Variants in RANBP17 observed in about 807,000 individuals in gnomAD.
RANBP17 encodes the protein ran-binding protein 17.
RANBP17 carries 158 observed loss-of-function variants against 141.2 expected under a neutral mutation model. That is an observed-to-expected ratio of 1.12 (90% CI 0.98 to 1.28). The LOEUF (loss-of-function observed/expected upper bound fraction) is 1.28, where lower values mean the gene tolerates loss of function less well. Among genes scored for constraint, RANBP17 ranks in the 50% most tolerant of loss-of-function variants. RANBP17 has a pLI of 0.00. For missense variants in RANBP17, 1,438 were observed against 1,290.7 expected (o/e 1.11, Z -1.75); for synonymous variants, 430 against 450.0 (o/e 0.96, Z 0.56).
chr5:171,140,892 A>G (rs1396135021), intron 14 of RANBP17, among the ~76,000 whole-genome samples: 2 of 152,230 alleles, frequency 1.3e-5, no homozygotes, highest in African/African-American at 4.8e-5. Context: ...TTCCAAGTCC[A>G]GAATATTCCA....
intron 14 of RANBP17, among the ~76,000 whole-genome samples, chr5:171,150,184 C>T (rs1057044550): frequency 1.3e-5 from 2 of 149,416 alleles, no homozygotes; most frequent in African/African-American, 5.1e-5. Context: ...ATCTATACCA[C>T]TCTTTAAAAA....
intron 2 of RANBP17, among the ~76,000 whole-genome samples, chr5:170,879,330 G>A (rs1213162442): frequency 1.3e-5 from 2 of 152,080 alleles, no homozygotes; most frequent in Non-Finnish European, 2.9e-5. Flanking sequence ...ACTTCCAATT[G>A]AAGATTAAGT....
chr5:171,276,932 A>C (rs1276081550), intron 25 of RANBP17, among the ~76,000 whole-genome samples: 1 of 150,982 alleles, frequency 6.6e-6, no homozygotes, highest in Non-Finnish European at 1.5e-5. Context: ...AAAAAAAAAA[A>C]AAAAAAAAAA....
chr5:171,163,465 C>G (rs1422195298), intron 14 of RANBP17, among the ~76,000 whole-genome samples: 5 of 152,184 alleles, frequency 3.3e-5, no homozygotes, highest in African/African-American at 1.2e-4. Flanking sequence ...CCTCCCTCCT[C>G]TACTAATGCC....
At chr5:170,996,026 A>G (rs960596773) in intron 14 of RANBP17, among the ~76,000 whole-genome samples, 1 of 152,082 alleles carries the variant, frequency 6.6e-6, no homozygotes, top group South Asian at 2.1e-4. Flanking sequence ...ACATAGGAGA[A>G]ATTGTCTCTT....
At chr5:171,149,334 A>G (rs1487021758) in intron 14 of RANBP17, among the ~76,000 whole-genome samples, 7 of 152,256 alleles carry the variant, frequency 4.6e-5, no homozygotes, top group Non-Finnish European at 1.5e-5. Context: ...AAAATCCCAT[A>G]TCACACAAAT....
intron 5 of RANBP17, chr5:170,897,170 G>A: frequency 1.3e-6 from 1 of 775,916 alleles, no homozygotes; most frequent in African/African-American, 1.7e-5. Context: ...GCTCATCACT[G>A]ATACTTATGG....
At chr5:171,170,525 G>A (rs773933539) in intron 15 of RANBP17, among the ~76,000 whole-genome samples, 3 of 151,962 alleles carry the variant, frequency 2.0e-5, no homozygotes, top group Non-Finnish European at 4.4e-5. Flanking sequence ...AAAAGCACGC[G>A]ATTTGAAAGA....
At chr5:171,147,377 GT>G (rs1341394308) in intron 14 of RANBP17, among the ~76,000 whole-genome samples, 10 of 143,224 alleles carry the variant, frequency 7.0e-5, no homozygotes, top group African/African-American at 2.4e-4. Context: ...GTGTGTGTGT[GT>G]GTGGTTGTTT....
At chr5:171,211,354 C>T (rs1477340952) in intron 20 of RANBP17, among the ~76,000 whole-genome samples, 3 of 152,012 alleles carry the variant, frequency 2.0e-5, no homozygotes, top group South Asian at 2.1e-4. Flanking sequence ...CTCCGCCTCC[C>T]GGGTTCAAGC....
intron 14 of RANBP17, among the ~76,000 whole-genome samples, chr5:171,111,267 A>G (rs1010244436): frequency 2.6e-5 from 4 of 152,144 alleles, no homozygotes; most frequent in African/African-American, 9.7e-5. Context: ...AGTCATTTCT[A>G]AGATATAACC....
chr5:170,948,658 C>A (rs1281880966), intron 12 of RANBP17, among the ~76,000 whole-genome samples: 1 of 152,134 alleles, frequency 6.6e-6, no homozygotes, highest in Non-Finnish European at 1.5e-5. Context: ...AAATCCGGTG[C>A]AATCCACTTT....
intron 14 of RANBP17, among the ~76,000 whole-genome samples, chr5:171,040,747 A>C (rs1486510688): frequency 1.3e-5 from 2 of 152,190 alleles, no homozygotes; most frequent in Non-Finnish European, 2.9e-5. Flanking sequence ...TTAAAAATGT[A>C]AAAAGTTAAC....
At chr5:171,194,378 C>T (rs1761838959) in intron 18 of RANBP17, among the ~76,000 whole-genome samples, 1 of 152,120 alleles carries the variant, frequency 6.6e-6, no homozygotes. Context: ...TCTCCCCTCC[C>T]CCAAACCCTG....
At chr5:170,928,544 T>G (rs1292524171) in intron 12 of RANBP17, among the ~76,000 whole-genome samples, 1 of 152,036 alleles carries the variant, frequency 6.6e-6, no homozygotes, top group African/African-American at 2.4e-5. Flanking sequence ...CTTACAGTTA[T>G]CCAGTTGTTC....
chr5:171,142,919 T>A (rs1019274246), intron 14 of RANBP17, among the ~76,000 whole-genome samples: 1 of 152,216 alleles, frequency 6.6e-6, no homozygotes, highest in Admixed American at 6.5e-5. Context: ...AATTGAATTA[T>A]AGGCATTTAC....
At chr5:170,892,023 G>A (rs183564896) in intron 3 of RANBP17, among the ~76,000 whole-genome samples, 2 of 151,976 alleles carry the variant, frequency 1.3e-5, no homozygotes, top group Admixed American at 1.3e-4. Flanking sequence ...ATAAACATAT[G>A]TCTTGAGGAG....
At chr5:171,285,733 CAGT>C (rs536082180) in intron 25 of RANBP17, among the ~76,000 whole-genome samples, 262 of 152,322 alleles carry the variant, frequency 1.7e-3, no homozygotes, top group Non-Finnish European at 2.9e-3. Flanking sequence ...ATGAGACTCA[CAGT>C]GGTGTAGTGT....
chr5:170,995,311 A>G (rs564976529), intron 14 of RANBP17, among the ~76,000 whole-genome samples: 3 of 152,172 alleles, frequency 2.0e-5, no homozygotes, highest in South Asian at 4.1e-4. Flanking sequence ...TGTATTTTCT[A>G]TGTATTAGGT....
Sources: allele counts gnomAD v4.1 joint callset (sites outside exome capture counted in the v4.1 genomes callset), GRCh38; gene constraint gnomAD v4.1.1; transcripts MANE v1.5; gene names NCBI Gene and HGNC (gene_info 2026-07-23, HGNC 2026-07-21).